Variants in ARAP2 observed in about 807,000 individuals in gnomAD.
The protein encoded by ARAP2 is ArfGAP with RhoGAP domain, ankyrin repeat and PH domain 2, also known as arf-GAP with Rho-GAP domain, ANK repeat and PH domain-containing protein 2.
Under a neutral mutation model 194.5 loss-of-function variants are expected in ARAP2, and 148 were observed. The ratio of observed to expected loss-of-function variants is 0.76; its 90% CI spans 0.67 to 0.87. The LOEUF (loss-of-function observed/expected upper bound fraction) is 0.87. Ranked by LOEUF, ARAP2 falls within the 40% of genes least tolerant of loss-of-function variation. The pLI is 0.00. For synonymous variants in ARAP2, 695 were observed against 683.5 expected (o/e 1.02, Z -0.26); for missense variants, 2,128 against 1,989.7 (o/e 1.07, Z -1.32).
intron 5 of ARAP2, chr4:36,019,309 C>T (rs1716463501): frequency 1.3e-5 from 2 of 149,198 alleles, no homozygotes; most frequent in East Asian, 1.9e-4. Flanking sequence ...GGATATCACA[C>T]ATTATTATTC....
At chr4:36,110,708 T>G (rs893473917) in intron 26 of ARAP2, among the ~76,000 whole-genome samples, 1 of 151,956 alleles carries the variant, frequency 6.6e-6, no homozygotes, top group East Asian at 1.9e-4. Context: ...CCCACGAATC[T>G]GACTACCATA....
intron 5 of ARAP2, among the ~76,000 whole-genome samples, chr4:36,211,587 T>A (rs1424150552): frequency 6.6e-6 from 1 of 152,134 alleles, no homozygotes; most frequent in Non-Finnish European, 1.5e-5. Context: ...TTAGATTATG[T>A]CAAATGTTTA....
intron 5 of ARAP2, among the ~76,000 whole-genome samples, chr4:36,026,095 A>G (rs182154886): frequency 1.4e-3 from 214 of 152,288 alleles, no homozygotes; most frequent in African/African-American, 5.0e-3. Flanking sequence ...CTTTCTCACT[A>G]TTTTAAATAG....
chr4:36,074,321 G>A (rs917067511), intron 31 of ARAP2, among the ~76,000 whole-genome samples: 1 of 152,014 alleles, frequency 6.6e-6, no homozygotes, highest in African/African-American at 2.4e-5. Context: ...GAATTCCAAA[G>A]AAATATAATC....
chr4:36,170,901 G>T (rs942262741), intron 9 of ARAP2, among the ~76,000 whole-genome samples: 2 of 151,856 alleles, frequency 1.3e-5, no homozygotes, highest in African/African-American at 4.8e-5. Flanking sequence ...GAAGCTTTTG[G>T]TCTAAAAATG....
In ARAP2 at chr4:36,115,298, A is replaced by T. The variant is rs1314305802; in HGVS notation, c.4039-1011T>A. Among the ~76,000 whole-genome samples, 3 of 152,034 alleles carry T rather than the reference A, an allele frequency of 2.0e-5. No individual in the cohort carries two copies. The South Asian group carries it at 6.2e-4, about 31-fold the overall frequency. ...TTTAGAAAAGCCCAAAGAAATATAA[A>T]CTTAAAAGAAAAAAACTTGTTATAG... On this transcript the variant is annotated intron_variant, in intron 25 of 32. Transcript: ENST00000303965.
chr4:36,143,467 A>T (rs1728851873), intron 19 of ARAP2, among the ~76,000 whole-genome samples: 1 of 151,598 alleles, frequency 6.6e-6, no homozygotes, highest in Non-Finnish European at 1.5e-5. Context: ...TTGATTTTTA[A>T]AAAAAAATTT....
intron 23 of ARAP2, among the ~76,000 whole-genome samples, chr4:36,120,660 C>G (rs1234912631): frequency 6.6e-6 from 1 of 151,548 alleles, no homozygotes; most frequent in East Asian, 1.9e-4. Flanking sequence ...CAACAGTTTT[C>G]TGATGAAACA....
At chr4:36,169,075 G>A (rs1735963408) in intron 9 of ARAP2, among the ~76,000 whole-genome samples, 1 of 149,818 alleles carries the variant, frequency 6.7e-6, no homozygotes, top group African/African-American at 2.5e-5. Context: ...TCACAAGTGA[G>A]GAAATTAAGT....
chr4:36,155,531 G>T (rs1732052665), intron 15 of ARAP2, among the ~76,000 whole-genome samples: 1 of 152,122 alleles, frequency 6.6e-6, no homozygotes, highest in Non-Finnish European at 1.5e-5. Flanking sequence ...GAATAAGGAG[G>T]AAACCAGTGC....
At chr4:36,090,414 A>T (rs938889905) in intron 28 of ARAP2, among the ~76,000 whole-genome samples, 3 of 152,150 alleles carry the variant, frequency 2.0e-5, no homozygotes, top group African/African-American at 7.2e-5. Context: ...TGAAGTCAGC[A>T]TCATCCTGAT....
chr4:36,005,423 T>C (rs1560247789), intron 10 of ARAP2: 2 of 152,156 alleles, frequency 1.3e-5, no homozygotes, highest in Non-Finnish European at 2.9e-5. Context: ...TATAAAATTA[T>C]GAAGAGGCTT....
chr4:36,148,152 G>T (rs1730091963), intron 17 of ARAP2, among the ~76,000 whole-genome samples: 1 of 152,048 alleles, frequency 6.6e-6, no homozygotes, highest in South Asian at 2.1e-4. Context: ...ACAGTATTGA[G>T]AATATCCTAA....
intron 27 of ARAP2, among the ~76,000 whole-genome samples, chr4:36,096,540 T>C (rs929118197): frequency 1.3e-5 from 2 of 152,076 alleles, no homozygotes; most frequent in African/African-American, 4.8e-5. Context: ...TATATGAGCA[T>C]GGAATGACCA....
chr4:36,102,136 C>T lies in ARAP2; in HGVS notation c.4285+5429G>A, dbSNP rs569933364. On this transcript the variant is annotated intron_variant, in intron 27 of 32. Coordinates refer to ENST00000303965, the MANE Select transcript of ARAP2 (RefSeq NM_015230.4). ...CTGCCAAGGCTAAAACCACTTTCCA[C>T]ACAATGAGCTCTTAGGTTTAGGTAT... Among the ~76,000 whole-genome samples, 3 of 151,956 alleles carry T rather than the reference C, an allele frequency of 2.0e-5. No homozygotes were observed. The South Asian group carries it at 6.2e-4, about 32-fold the overall frequency.
chr4:36,030,620 G>C (rs1273785935), intron 5 of ARAP2, among the ~76,000 whole-genome samples: 1 of 151,800 alleles, frequency 6.6e-6, no homozygotes, highest in Non-Finnish European at 1.5e-5. Context: ...GTTTGGTTTT[G>C]TTTTCTTTTA....
chr4:36,012,921 A>C (rs1714816493), intron 8 of ARAP2: 1 of 152,246 alleles, frequency 6.6e-6, no homozygotes, highest in African/African-American at 2.4e-5. Flanking sequence ...CTGCTTTACC[A>C]AACTTTATGT....
At position 36,147,624 on chromosome 4, in the gene ARAP2, T is replaced by G; in HGVS notation, c.3123A>C (p.Lys1041Asn). The G allele has an allele frequency of 1.2e-6, 2 of 1,613,666 alleles. No individual in the cohort carries two copies. The highest frequency in any genetic ancestry group is 1.7e-6 in the Non-Finnish European group (2 of 1,179,716). Residue 1041 changes from lysine to asparagine, a missense_variant, in exon 18 of 33, where the codon AAA (lysine) becomes AAC (asparagine). Physicochemically the swap from Lys to Asn is moderately conservative, Grantham distance 94. Transcript: ENST00000303965. Reference protein sequence around the residue: ...QWRKGWFAMDKSSLHFCLQMQ... With the variant: ...QWRKGWFAMDNSSLHFCLQMQ... ...TTTGAAGGCAAAAATGCAAGCTGGA[T>G]TTGTCCATAGCAAACCAGCCTTTTC...
chr4:36,128,503 C>CACACACAT (rs372054639), intron 21 of ARAP2, 30 bp downstream of exon 21: 8 of 1,512,280 alleles, frequency 5.3e-6, no homozygotes, highest in East Asian at 2.3e-5. Flanking sequence ...CACACACACA[C>CACACACAT]ATATCTACAA....
Sources: allele counts gnomAD v4.1 joint callset (sites outside exome capture counted in the v4.1 genomes callset), GRCh38; gene constraint gnomAD v4.1.1; transcripts MANE v1.5; gene names NCBI Gene and HGNC (gene_info 2026-07-23, HGNC 2026-07-21).